The following VTCN1 variants were observed in gnomAD, a reference collection of about 807,000 sequenced individuals.
The protein encoded by VTCN1 is V-set domain containing T cell activation inhibitor 1.
VTCN1 carries 26 observed loss-of-function variants against 26.5 expected under a neutral mutation model. The ratio of observed to expected loss-of-function variants is 0.98; its 90% CI spans 0.72 to 1.36. VTCN1 has a LOEUF of 1.36. VTCN1 is among the 40% of genes most tolerant of loss of function. The pLI, the probability that VTCN1 is intolerant of heterozygous loss-of-function variation, is 0.00. For synonymous variants in VTCN1, 116 were observed against 130.7 expected, an observed-to-expected ratio of 0.89 and a Z score of 0.77; for missense variants, 298 against 337.7, an observed-to-expected ratio of 0.88 and a Z score of 0.92.
At chr1:117,185,589 C>G (rs549354332) in intron 1 of VTCN1, among the ~76,000 whole-genome samples, 2 of 152,250 alleles carry the variant, frequency 1.3e-5, no homozygotes, top group South Asian at 4.1e-4. Flanking sequence ...ATTATATCCT[C>G]CTCTCTTTTA....
intron 2 of VTCN1, among the ~76,000 whole-genome samples, chr1:117,166,394 A>G (rs1451173410): frequency 1.3e-5 from 2 of 152,194 alleles, no homozygotes; most frequent in Non-Finnish European, 2.9e-5. Context: ...AGAGTGACAA[A>G]TAAATACTAG....
chr1:117,154,081 G>A (rs990368563), intron 3 of VTCN1, among the ~76,000 whole-genome samples: 25 of 152,072 alleles, frequency 1.6e-4, no homozygotes, highest in African/African-American at 6.0e-4. Flanking sequence ...TAATTTATTT[G>A]GCGTCTTCCT....
chr1:117,208,135 A>T (rs768701054), intron 1 of VTCN1, among the ~76,000 whole-genome samples: 11 of 152,190 alleles, frequency 7.2e-5, no homozygotes, highest in Non-Finnish European at 1.6e-4. Context: ...TCGAAGGCCC[A>T]GTGTGACCTG....
At chr1:117,182,544 A>G (rs775127638) in intron 1 of VTCN1, among the ~76,000 whole-genome samples, 6 of 152,030 alleles carry the variant, frequency 3.9e-5, no homozygotes, top group Non-Finnish European at 7.4e-5. Context: ...TTGCCTGCCT[A>G]TGTCAAGGGG....
At chr1:117,201,451 G>A (rs1648783013) in intron 1 of VTCN1, among the ~76,000 whole-genome samples, 1 of 152,204 alleles carries the variant, frequency 6.6e-6, no homozygotes, top group South Asian at 2.1e-4. Flanking sequence ...ATCCCTCTGT[G>A]TAGGGGAAAT....
At chr1:117,186,686 CT>C (rs1647960080) in intron 1 of VTCN1, among the ~76,000 whole-genome samples, 1 of 152,208 alleles carries the variant, frequency 6.6e-6, no homozygotes, top group Non-Finnish European at 1.5e-5. Context: ...CAGATATTCT[CT>C]GTACATTCAC....
At chr1:117,173,392 CACCA>C in intron 1 of VTCN1, 1 of 358,944 alleles carries the variant, frequency 2.8e-6, no homozygotes, top group Non-Finnish European at 4.8e-6. Context: ...ACACACACAA[CACCA>C]TGTAAAGATG....
In VTCN1 at chr1:117,152,635, G is replaced by C. The variant is rs532658168; in HGVS notation, c.724+456C>G. 3.9e-5 allele frequency among the ~76,000 whole-genome samples: 6 copies of C among 152,262 alleles called. No individual in the cohort carries two copies. In the South Asian group the frequency reaches 1.0e-3, roughly 26 times the overall value. On this transcript the variant is annotated intron_variant, in intron 4 of 5. Coordinates refer to ENST00000369458, the MANE Select transcript of VTCN1 (RefSeq NM_024626.4). ...ATGAGGGATGAATAAAACTAAGTCAGACTCCAGACTTTTAGTCTTCAGATT... is the reference window on the plus strand; with the variant it reads ...ATGAGGGATGAATAAAACTAAGTCACACTCCAGACTTTTAGTCTTCAGATT...
intron 1 of VTCN1, among the ~76,000 whole-genome samples, chr1:117,204,257 T>C (rs1332212940): frequency 6.6e-6 from 1 of 152,218 alleles, no homozygotes; most frequent in Non-Finnish European, 1.5e-5. Context: ...TTAACTCACT[T>C]AGTCTTTATA....
rs761829359 is a variant in VTCN1, at chr1:117,147,635, T to A, written c.*23A>T. The A allele has an allele frequency of 3.7e-6, 6 of 1,609,880 alleles. No individual in the cohort carries two copies. The South Asian group carries it at 5.5e-5, about 15-fold the overall frequency. The stretch of plus-strand genomic sequence containing the variant: ...CACCTGTTGTAACAATGACTTTGCA[T>A]GCTTTTTTGTGGCCGAGGCACATTA... On this transcript the variant is annotated 3_prime_UTR_variant, in exon 5 of 6. Transcript: ENST00000369458. This position sits in a 1 kb window ranked among gnomAD's most constrained non-coding sequence, Gnocchi z 4.6.
intron 4 of VTCN1, among the ~76,000 whole-genome samples, chr1:117,151,740 T>G (rs1275773691): frequency 6.6e-6 from 1 of 152,180 alleles, no homozygotes; most frequent in Admixed American, 6.5e-5. Context: ...TCTCAGTAGT[T>G]CTTTTTTTTA....
At chr1:117,203,052 G>A (rs1182869315) in intron 1 of VTCN1, among the ~76,000 whole-genome samples, 1 of 152,130 alleles carries the variant, frequency 6.6e-6, no homozygotes, top group Non-Finnish European at 1.5e-5. Flanking sequence ...AGATGAGATG[G>A]ATCCAGAGCA....
chr1:117,185,559 G>A lies in VTCN1; in HGVS notation c.33-15388C>T, dbSNP rs1014629966. Among the ~76,000 whole-genome samples the A allele has an allele frequency of 3.9e-5, 6 of 152,190 alleles. No individual in the cohort carries two copies. In the South Asian group the frequency reaches 8.3e-4, roughly 21 times the overall value. On this transcript the variant is annotated intron_variant, in intron 1 of 5. Transcript: ENST00000369458. ...GTAGTTCAGGCCGTGATAGGAAGCA[G>A]AGGGGGTCAGACATGCCCCATTATA...
intron 1 of VTCN1, among the ~76,000 whole-genome samples, chr1:117,188,992 C>T (rs1221744062): frequency 1.3e-5 from 2 of 152,178 alleles, no homozygotes; most frequent in Non-Finnish European, 2.9e-5. Flanking sequence ...GTCCAGATGT[C>T]TGTGGTCTAG....
At chr1:117,186,797 G>A (rs187729396) in intron 1 of VTCN1, among the ~76,000 whole-genome samples, 1 of 152,330 alleles carries the variant, frequency 6.6e-6, no homozygotes, top group Non-Finnish European at 1.5e-5. Flanking sequence ...AGAGGCTGGG[G>A]CGGGAGGATT....
In VTCN1 at chr1:117,205,251, G is replaced by C. The variant is rs140842888; in HGVS notation, c.32+5573C>G. ...GGCTCACTGCAACCTTAACCTCACA[G>C]GCTCAAGCAATTCTCCCACCTCAGT... On this transcript the variant is annotated intron_variant, in intron 1 of 5. Coordinates refer to ENST00000369458, the MANE Select transcript of VTCN1 (RefSeq NM_024626.4). Among the ~76,000 whole-genome samples the C allele has an allele frequency of 4.3e-3, 656 of 151,454 alleles. 7 individuals carry two copies. Among genetic ancestry groups the C allele is most frequent in the African/African-American group, 0.015 (631 of 41,266 alleles).
At chr1:117,170,358 C>T (rs774989022) in intron 1 of VTCN1, 187 bp from the exon 2 acceptor site, 6 of 698,626 alleles carry the variant, frequency 8.6e-6, no homozygotes, top group Non-Finnish European at 1.6e-5. Context: ...CCATCCCCAT[C>T]CCCCTGGGGC....
intron 1 of VTCN1, among the ~76,000 whole-genome samples, chr1:117,177,367 C>T (rs1249791133): frequency 1.3e-5 from 2 of 152,066 alleles, no homozygotes; most frequent in African/African-American, 2.4e-5. Flanking sequence ...CTGGCCTCTA[C>T]CCCTCTCCCT....
At chr1:117,190,141 T>TAG (rs1214595841) in intron 1 of VTCN1, among the ~76,000 whole-genome samples, 1 of 152,240 alleles carries the variant, frequency 6.6e-6, no homozygotes, top group Admixed American at 6.5e-5. Context: ...GACCCAGTGC[T>TAG]AGTCCCTCTC....
Sources: allele counts gnomAD v4.1 joint callset (sites outside exome capture counted in the v4.1 genomes callset), GRCh38; gene constraint gnomAD v4.1.1; non-coding constraint Gnocchi (gnomAD v3.1); transcripts MANE v1.5; gene names NCBI Gene and HGNC (gene_info 2026-07-23, HGNC 2026-07-21).